Variants in CBLB observed in about 807,000 individuals in gnomAD.
CBLB encodes the protein E3 ubiquitin-protein ligase CBL-B.
In CBLB, 31 loss-of-function variants were observed where a neutral mutation model predicts 104.9. That is an observed-to-expected ratio of 0.30 (90% CI 0.22 to 0.40). CBLB has a LOEUF of 0.40. Among genes scored for constraint, CBLB ranks in the 10% least tolerant of loss-of-function variants. The probability of loss-of-function intolerance (pLI) is 1.00; values close to 1 mark genes in which losing one functional copy is unlikely to be tolerated. For synonymous variants in CBLB, 440 were observed against 422.6 expected (o/e 1.04, Z -0.51); for missense variants, 1,062 against 1,214.6 (o/e 0.87, Z 1.87).
chr3:105,852,179 G>A (rs923599098), intron 3 of CBLB, among the ~76,000 whole-genome samples: 1 of 152,062 alleles, frequency 6.6e-6, no homozygotes, highest in African/African-American at 2.4e-5. Flanking sequence ...ATTCCTGAAG[G>A]CACTATTATC....
At chr3:105,725,649 G>A (rs1369675299) in intron 9 of CBLB, among the ~76,000 whole-genome samples, 5 of 152,088 alleles carry the variant, frequency 3.3e-5, no homozygotes, top group Admixed American at 6.5e-5. Context: ...AACGTGAAAG[G>A]GAAGCTCCAA....
At chr3:105,683,775 T>A (rs986453333) in intron 14 of CBLB, among the ~76,000 whole-genome samples, 1 of 152,238 alleles carries the variant, frequency 6.6e-6, no homozygotes, top group African/African-American at 2.4e-5. Flanking sequence ...CTCAATGATA[T>A]GATTTTATCA....
intron 3 of CBLB, among the ~76,000 whole-genome samples, chr3:105,807,689 GA>G (rs2083696823): frequency 6.6e-6 from 1 of 151,490 alleles, no homozygotes; most frequent in African/African-American, 2.4e-5. Flanking sequence ...TTGCTTTAAA[GA>G]AAAAAAAGCA....
At position 105,702,210 on chromosome 3, in the gene CBLB, G is replaced by C. The variant is rs1559877462; in HGVS notation, c.1843C>G (p.Pro615Ala). Reference sequence around the variant, plus strand: ...GAACTCGCTGTGATTCCAGGTTTTGGAGAGCCCTCCCCTAGGAGTCGACAT... The same window carrying C: ...GAACTCGCTGTGATTCCAGGTTTTGCAGAGCCCTCCCCTAGGAGTCGACAT... ...VGCRLLGEGS[P>A]KPGITASSNV... Residue 615 changes from proline to alanine, a missense_variant, in exon 12 of 19, where the codon CCA (proline) becomes GCA (alanine). Transcript: ENST00000394030. 2 of 1,614,062 alleles carry C rather than the reference G, an allele frequency of 1.2e-6. No homozygotes were observed. Among genetic ancestry groups the C allele is most frequent in the Non-Finnish European group, 1.7e-6 (2 of 1,179,984 alleles).
Position 105,702,476 on chromosome 3 carries a change from G to GAAAAAAAAAAAAAAGAAAAA in CBLB, c.1594-18_1594-17insTTTTTCTTTTTTTTTTTTTT. On this transcript the variant is annotated splice_polypyrimidine_tract_variant and intron_variant, in intron 11 of 18. Transcript: ENST00000394030. ...AGGAGAAGACTAAAGAAACAGAAGA[G>GAAAAAAAAAAAAAAGAAAAA]AAAAAAAAAAAAAAAAAAAAAAACT... 3.6e-6 allele frequency: 1 copy of GAAAAAAAAAAAAAAGAAAAA among 277,062 alleles called. No individual in the cohort carries two copies. Among genetic ancestry groups the GAAAAAAAAAAAAAAGAAAAA allele is most frequent in the Non-Finnish European group, 5.2e-6 (1 of 190,576 alleles). 17.2% of individuals were successfully genotyped at this position (277,062 alleles called of 1,614,324 possible).
chr3:105,844,119 GC>G (rs1223285496), intron 3 of CBLB, among the ~76,000 whole-genome samples: 1 of 152,172 alleles, frequency 6.6e-6, no homozygotes, highest in African/African-American at 2.4e-5. Context: ...TGATGACAGA[GC>G]AGAGAACAGA....
chr3:105,766,917 T>G (rs1320013878), intron 4 of CBLB, among the ~76,000 whole-genome samples: 1 of 152,222 alleles, frequency 6.6e-6, no homozygotes, highest in Non-Finnish European at 1.5e-5. Context: ...TTTTAAGTAT[T>G]TATCTTCTTT....
At chr3:105,768,871 AAAAG>A (rs1482603415) in intron 4 of CBLB, among the ~76,000 whole-genome samples, 9 of 152,190 alleles carry the variant, frequency 5.9e-5, no homozygotes, top group African/African-American at 1.4e-4. Flanking sequence ...GAGACAGATG[AAAAG>A]AAAGAGGGAA....
intron 5 of CBLB, among the ~76,000 whole-genome samples, chr3:105,750,958 G>C (rs2152906913): frequency 6.6e-6 from 1 of 152,316 alleles, no homozygotes; most frequent in South Asian, 2.1e-4. Context: ...ACACATGGTT[G>C]AATGTGCAAA....
chr3:105,671,596 C>A (rs1010199442), intron 17 of CBLB: 1 of 208,288 alleles, frequency 4.8e-6, no homozygotes, highest in African/African-American at 2.3e-5. Flanking sequence ...TTAACTTCCA[C>A]TCCCTTAGAC....
chr3:105,816,881 TAAGTA>T (rs1486088087), intron 3 of CBLB, among the ~76,000 whole-genome samples: 1 of 150,744 alleles, frequency 6.6e-6, no homozygotes, highest in Admixed American at 6.7e-5. Context: ...ACCACAATTC[TAAGTA>T]ATGTTTAAAA....
intron 3 of CBLB, among the ~76,000 whole-genome samples, chr3:105,781,607 T>C (rs1443704367): frequency 1.3e-5 from 2 of 152,228 alleles, no homozygotes; most frequent in Admixed American, 1.3e-4. Context: ...CTCCACTAAA[T>C]GCAGGAGACT....
At chr3:105,722,020 T>C (rs58488774) in intron 9 of CBLB, among the ~76,000 whole-genome samples, 363 of 151,864 alleles carry the variant, frequency 2.4e-3, no homozygotes, top group African/African-American at 8.4e-3. Flanking sequence ...TAGCAAGACC[T>C]TGTCTCTATA....
intron 4 of CBLB, among the ~76,000 whole-genome samples, chr3:105,761,477 A>G (rs182673952): frequency 6.6e-6 from 1 of 152,276 alleles, no homozygotes; most frequent in Admixed American, 6.5e-5. Context: ...CCGACATTCT[A>G]TTCTTGTGGT....
intron 10 of CBLB, among the ~76,000 whole-genome samples, chr3:105,705,045 C>CCTTTT (rs111514298): frequency 0.33 from 49,974 of 151,606 alleles, 8,515 homozygotes; most frequent in East Asian, 0.52. Flanking sequence ...TGGGCAGTTT[C>CCTTTT]CAAGTCTAAG....
At chr3:105,713,632 T>TG (rs2071420517) in intron 10 of CBLB, among the ~76,000 whole-genome samples, 1 of 152,180 alleles carries the variant, frequency 6.6e-6, no homozygotes, top group Non-Finnish European at 1.5e-5. Context: ...ACACAGCACT[T>TG]GGATGATGCA....
chr3:105,731,990 G>T (rs2074367083), intron 9 of CBLB, among the ~76,000 whole-genome samples: 1 of 152,164 alleles, frequency 6.6e-6, no homozygotes, highest in South Asian at 2.1e-4. Flanking sequence ...TTAGGAATTT[G>T]TATCAGCCTA....
At chr3:105,833,735 T>A (rs1348243849) in intron 3 of CBLB, among the ~76,000 whole-genome samples, 2 of 152,082 alleles carry the variant, frequency 1.3e-5, no homozygotes, top group Non-Finnish European at 2.9e-5. Flanking sequence ...TTTACATCAT[T>A]TAACATCAAT....
intron 3 of CBLB, among the ~76,000 whole-genome samples, chr3:105,808,985 A>C (rs1334183870): frequency 3.9e-5 from 6 of 152,208 alleles, no homozygotes; most frequent in Non-Finnish European, 8.8e-5. Context: ...AAAAGACAAA[A>C]TAACCCACCA....
Sources: allele counts gnomAD v4.1 joint callset (sites outside exome capture counted in the v4.1 genomes callset), GRCh38; gene constraint gnomAD v4.1.1; transcripts MANE v1.5; gene names NCBI Gene and HGNC (gene_info 2026-07-23, HGNC 2026-07-21).